SLC4A3: variants seen among roughly 807,000 people sequenced by gnomAD.
SLC4A3 encodes anion exchange protein 3.
Under a neutral mutation model 114.2 loss-of-function variants are expected in SLC4A3, and 47 were observed. The observed-to-expected ratio is 0.41, with a 90% CI of 0.33 to 0.52. SLC4A3 has a LOEUF of 0.52. Among genes scored for constraint, SLC4A3 ranks in the 20% least tolerant of loss-of-function variants. The probability of loss-of-function intolerance (pLI) is 0.21; values close to 1 mark genes in which losing one functional copy is unlikely to be tolerated. For synonymous variants in SLC4A3, 693 were observed against 710.3 expected (o/e 0.98, Z 0.39); for missense variants, 1,312 against 1,668.3 (o/e 0.79, Z 3.72).
Position 219,631,188 on chromosome 2 carries a change from A to G in SLC4A3, c.812-780A>G. ...CGTCCAGGCTCCCACCTTGTAGGAG[A>G]GCCGAGGGGTCTGGTAGGGAGCGGA... On this transcript the variant is annotated intron_variant, in intron 6 of 22. Coordinates refer to ENST00000358055, the MANE Select transcript of SLC4A3 (RefSeq NM_005070.4). This position sits in a 1 kb window ranked among gnomAD's most constrained non-coding sequence, Gnocchi z 6.3. 8.4e-7 allele frequency: 1 copy of G among 1,195,494 alleles called. No individual in the cohort carries two copies. Among genetic ancestry groups the G allele is most frequent in the Non-Finnish European group, 1.1e-6 (1 of 935,134 alleles). 74.1% of individuals were successfully genotyped at this position (1,195,494 alleles called of 1,614,324 possible).
Position 219,635,427 on chromosome 2 carries a change from A to C in SLC4A3, c.1903A>C (p.Lys635Gln), listed in dbSNP as rs1156605094. The C allele has an allele frequency of 6.2e-7, 1 of 1,614,100 alleles. No individual in the cohort carries two copies. ...VAAFQRELLR[K>Q]RREREQTKVE... The stretch of plus-strand genomic sequence containing the variant: ...TGCTTTCCAGCGAGAGCTGCTTAGG[A>C]AGCGGCGAGAGCGTGAACAGACCAA... Residue 635 changes from lysine (K) to glutamine (Q), a missense_variant, in exon 13 of 23, where the codon AAG becomes CAG. Lys to Gln is a moderately conservative substitution (Grantham distance 53, BLOSUM62 1). Transcript: ENST00000358055.
chr2:219,634,704 G>C, intron 12 of SLC4A3, 100 bp downstream of exon 12: 2 of 1,306,464 alleles, frequency 1.5e-6, no homozygotes, highest in Non-Finnish European at 2.1e-6. Context: ...GGGTGCTAGA[G>C]GCCCCTGGGT....
In SLC4A3 at chr2:219,628,107, G is replaced by C; in HGVS notation, c.51+64G>C. The C allele has an allele frequency of 2.3e-6, 3 of 1,319,990 alleles. No homozygotes were observed. The highest frequency in any genetic ancestry group is 3.1e-6 in the Non-Finnish European group (3 of 982,220). 81.8% of individuals were successfully genotyped at this position (1,319,990 alleles called of 1,614,324 possible). On this transcript the variant is annotated intron_variant, in intron 2 of 22. Coordinates refer to ENST00000358055, the MANE Select transcript of SLC4A3 (RefSeq NM_005070.4). This position sits in a 1 kb window ranked among gnomAD's most constrained non-coding sequence, Gnocchi z 4.8. The stretch of plus-strand genomic sequence containing the variant: ...GGAGAGGGGAGGGACCTTAGGGTGG[G>C]CAGAGGAGTCCTCTGGCCGACCCCG...
Position 219,641,523 on chromosome 2 carries a change from A to G in SLC4A3, c.3622-128A>G. ...AAGGGCAGTGCTGCCACCCAGGGTC[A>G]TGGTACTTGCAGAGAGGCCCAGGAA... On this transcript the variant is annotated intron_variant, in intron 22 of 22. Transcript: ENST00000358055. This position sits in a 1 kb window ranked among gnomAD's most constrained non-coding sequence, Gnocchi z 4.0. The G allele has an allele frequency of 1.4e-6, 1 of 731,706 alleles. No individual in the cohort carries two copies. 45.3% of individuals were successfully genotyped at this position (731,706 alleles called of 1,614,324 possible). A position where few individuals can be genotyped will look rare whatever the true frequency, so the allele number is the denominator to read the frequency against.
chr2:219,628,256 C>T lies in SLC4A3; in HGVS notation c.52-149C>T, dbSNP rs1434208399. Reference sequence around the variant, plus strand: ...TCTGGGAGCCCAGAGAGGGTGGTTTCTGGGATGCTGACACAGGCCTGGGAG... The same window carrying T: ...TCTGGGAGCCCAGAGAGGGTGGTTTTTGGGATGCTGACACAGGCCTGGGAG... On this transcript the variant is annotated intron_variant, in intron 2 of 22. Transcript: ENST00000358055. This position sits in a 1 kb window ranked among gnomAD's most constrained non-coding sequence, Gnocchi z 4.8. 5 of 924,408 alleles carry T rather than the reference C, an allele frequency of 5.4e-6. No homozygotes were observed. Among genetic ancestry groups the T allele is most frequent in the African/African-American group, 1.7e-5 (1 of 59,670 alleles). 57.3% of individuals were successfully genotyped at this position (924,408 alleles called of 1,614,324 possible). A position where few individuals can be genotyped will look rare whatever the true frequency, so the allele number is the denominator to read the frequency against.
At position 219,638,825 on chromosome 2, in the gene SLC4A3, C is replaced by T; in HGVS notation, c.2979C>T (p.Ala993=). ...TGATGGTGGCAGCCGCTGTTCCCGCCCTCCTCGTCCTCATCCTGATCTTCA... is the reference window on the plus strand; with the variant it reads ...TGATGGTGGCAGCCGCTGTTCCCGCTCTCCTCGTCCTCATCCTGATCTTCA... ...PWMMVAAAVP[A]LLVLILIFME... Residue 993 remains alanine (A), a synonymous_variant, in exon 19 of 23, where the codon GCC becomes GCT. Transcript: ENST00000358055. This position sits in a 1 kb window ranked among gnomAD's most constrained non-coding sequence, Gnocchi z 7.5. 2 of 1,614,142 alleles carry T rather than the reference C, an allele frequency of 1.2e-6. No individual in the cohort carries two copies. The highest frequency in any genetic ancestry group is 1.7e-6 in the Non-Finnish European group (2 of 1,180,032).
rs1699152748 is a variant in SLC4A3 at position 219,637,271 on chromosome 2, GTGTGTGTGCC to G, written c.2536-300_2536-291del. Among the ~76,000 whole-genome samples the G allele has an allele frequency of 1.3e-5, 2 of 150,660 alleles. No individual in the cohort carries two copies. The highest frequency in any genetic ancestry group is 3.0e-5 in the Non-Finnish European group (2 of 67,710). The stretch of plus-strand genomic sequence containing the variant: ...TGATGTATGTGTTGTGTGTGTGTGC[GTGTGTGTGCC>G]TGTGTGTGCATGTTGTGTGTGTTGT... On this transcript the variant is annotated intron_variant, in intron 16 of 22. Transcript: ENST00000358055. This position sits in a 1 kb window ranked among gnomAD's most constrained non-coding sequence, Gnocchi z 4.6.
rs371602156 is a variant in SLC4A3 at position 219,639,566 on chromosome 2, G to C, written c.3108G>C (p.Gly1036=). 2 of 1,613,952 alleles carry C rather than the reference G, an allele frequency of 1.2e-6. No homozygotes were observed. The highest frequency in any genetic ancestry group is 2.7e-5 in the African/African-American group (2 of 74,926). ...TGCTCCTCATTGGCTCCCTGGGGGG[G>C]CTCTGTGGGCTGTTTGGGTTGCCCT... ...LDLLLIGSLG[G]LCGLFGLPWL... is the part of the protein sequence containing the mutation. The change falls in exon 20 of 23, where the codon GGG becomes GGC. Residue 1036 remains glycine, a synonymous_variant. Coordinates refer to ENST00000358055, the MANE Select transcript of SLC4A3 (RefSeq NM_005070.4). The surrounding 1 kb of genome is among the most constrained non-coding windows in gnomAD (Gnocchi z 5.9).
rs1197753026 is a variant in SLC4A3, at chr2:219,639,833, G to A, written c.3277+98G>A. The A allele has an allele frequency of 6.8e-7, 1 of 1,480,148 alleles. No homozygotes were observed. Among genetic ancestry groups the A allele is most frequent in the Non-Finnish European group, 9.1e-7 (1 of 1,098,478 alleles). 91.7% of individuals were successfully genotyped at this position (1,480,148 alleles called of 1,614,324 possible). A position where few individuals can be genotyped will look rare whatever the true frequency, so the allele number is the denominator to read the frequency against. ...TTGACCCTGAATCTCCCAATGTGCT[G>A]TGTGTTGCCCTCAATCTGACCCCCA... On this transcript the variant is annotated intron_variant, in intron 20 of 22. Coordinates refer to ENST00000358055, the MANE Select transcript of SLC4A3 (RefSeq NM_005070.4). The surrounding 1 kb of genome is among the most constrained non-coding windows in gnomAD (Gnocchi z 5.9).
At position 219,641,572 on chromosome 2, in the gene SLC4A3, C is replaced by G. The variant is rs1699326905; in HGVS notation, c.3622-79C>G. On this transcript the variant is annotated intron_variant, in intron 22 of 22. Coordinates refer to ENST00000358055, the MANE Select transcript of SLC4A3 (RefSeq NM_005070.4). This position sits in a 1 kb window ranked among gnomAD's most constrained non-coding sequence, Gnocchi z 4.0. Reference sequence around the variant, plus strand: ...AAAGGTCAGGGAGCAGGGAGGGCTGCAGGTTGGAGGAGGAGCTGGAGAATG... The same window carrying G: ...AAAGGTCAGGGAGCAGGGAGGGCTGGAGGTTGGAGGAGGAGCTGGAGAATG... 1 of 1,135,736 alleles carries G rather than the reference C, an allele frequency of 8.8e-7. No individual in the cohort carries two copies. Among genetic ancestry groups the G allele is most frequent in the Non-Finnish European group, 1.3e-6 (1 of 751,598 alleles). The allele number at this position is 1,135,736 out of a possible 1,614,324, so 70.4% of individuals were successfully genotyped here.
Position 219,631,936 on chromosome 2 carries a change from C to G in SLC4A3, c.812-32C>G, listed in dbSNP as rs753820889. On this transcript the variant is annotated intron_variant, in intron 6 of 22. Coordinates refer to ENST00000358055, the MANE Select transcript of SLC4A3 (RefSeq NM_005070.4). The surrounding 1 kb of genome is among the most constrained non-coding windows in gnomAD (Gnocchi z 6.3). ...GTGACCCCGAGGGCCCCAGCTGGAC[C>G]TGTGGGACCCCCAAGCCCATCTTCT... 1 of 1,557,190 alleles carries G rather than the reference C, an allele frequency of 6.4e-7. No homozygotes were observed. The highest frequency in any genetic ancestry group is 2.0e-5 in the Admixed American group (1 of 50,796).
In SLC4A3 at chr2:219,628,096, C is replaced by A. The variant is rs902285802; in HGVS notation, c.51+53C>A. The A allele has an allele frequency of 5.7e-5, 81 of 1,415,760 alleles. No homozygotes were observed. The African/African-American group carries it at 9.4e-4, about 16-fold the overall frequency. 87.7% of individuals were successfully genotyped at this position (1,415,760 alleles called of 1,614,324 possible). A position where few individuals can be genotyped will look rare whatever the true frequency, so the allele number is the denominator to read the frequency against. ...GAGATGGGGGAGGAGAGGGGAGGGA[C>A]CTTAGGGTGGGCAGAGGAGTCCTCT... On this transcript the variant is annotated intron_variant, in intron 2 of 22. Coordinates refer to ENST00000358055, the MANE Select transcript of SLC4A3 (RefSeq NM_005070.4). The surrounding 1 kb of genome is among the most constrained non-coding windows in gnomAD (Gnocchi z 4.8).
Position 219,637,542 on chromosome 2 carries a change from C to A in SLC4A3, c.2536-39C>A. ...GATGACGATGAAGTCAGGTCACCTGCCAGGTGAGTGACAAGGCATCCTTGT... is the reference window on the plus strand; with the variant it reads ...GATGACGATGAAGTCAGGTCACCTGACAGGTGAGTGACAAGGCATCCTTGT... On this transcript the variant is annotated intron_variant, in intron 16 of 22. Coordinates refer to ENST00000358055, the MANE Select transcript of SLC4A3 (RefSeq NM_005070.4). This position sits in a 1 kb window ranked among gnomAD's most constrained non-coding sequence, Gnocchi z 4.6. 1.7e-6 allele frequency: 2 copies of A among 1,160,818 alleles called. No homozygotes were observed. The highest frequency in any genetic ancestry group is 2.5e-6 in the Non-Finnish European group (2 of 799,842). The allele number at this position is 1,160,818 out of a possible 1,614,324, so 71.9% of individuals were successfully genotyped here. A position where few individuals can be genotyped will look rare whatever the true frequency, so the allele number is the denominator to read the frequency against.
chr2:219,635,344 G>A lies in SLC4A3; in HGVS notation c.1820G>A (p.Gly607Asp). 1.2e-6 allele frequency: 2 copies of A among 1,614,176 alleles called. No homozygotes were observed. The highest frequency in any genetic ancestry group is 3.3e-5 in the Admixed American group (2 of 60,026). The part of the protein sequence containing the change: ...LLSAISEFLD[G>D]SIVIPPSEVE... ...AGTGCCATCAGCGAGTTCCTGGATGGCAGCATTGTGATCCCCCCGTCCGAG... is the reference window on the plus strand; with the variant it reads ...AGTGCCATCAGCGAGTTCCTGGATGACAGCATTGTGATCCCCCCGTCCGAG... Residue 607 changes from glycine (G) to aspartate (D), a missense_variant, in exon 13 of 23, where the codon GGC (glycine) becomes GAC (aspartate). Gly to Asp is a moderately conservative substitution (Grantham distance 94). Around this residue, in one of 4 missense-constraint regions of SLC4A3, gnomAD observed 771 missense variants for 977.7 expected, o/e 0.79. Transcript: ENST00000358055.
Position 219,628,603 on chromosome 2 carries a change from C to T in SLC4A3, c.217+33C>T, listed in dbSNP as rs773401395. ...GCCTGGGGACCCCTAGTGCGGCCGC[C>T]CTCGCCACCATCACCTTCATCGCCA... is the stretch of plus-strand genomic sequence containing the variant. On this transcript the variant is annotated intron_variant, in intron 3 of 22. Transcript: ENST00000358055. This position sits in a 1 kb window ranked among gnomAD's most constrained non-coding sequence, Gnocchi z 4.8. 1 of 1,605,032 alleles carries T rather than the reference C, an allele frequency of 6.2e-7. No homozygotes were observed. The highest frequency in any genetic ancestry group is 1.7e-5 in the Admixed American group (1 of 57,962).
intron 12 of SLC4A3, 103 bp downstream of exon 12, chr2:219,634,707 C>T: frequency 7.9e-7 from 1 of 1,265,174 alleles, no homozygotes; most frequent in East Asian, 2.5e-5. Context: ...TGCTAGAGGC[C>T]CCTGGGTGGA....
chr2:219,637,455 T>A lies in SLC4A3; in HGVS notation c.2536-126T>A. On this transcript the variant is annotated intron_variant, in intron 16 of 22. Transcript: ENST00000358055. This position sits in a 1 kb window ranked among gnomAD's most constrained non-coding sequence, Gnocchi z 4.6. ...GTTGTGTGTGTGGTGCAGCTGGATGTCCGTGCATTACTGTTGTCTGACCAG... is the reference window on the plus strand; with the variant it reads ...GTTGTGTGTGTGGTGCAGCTGGATGACCGTGCATTACTGTTGTCTGACCAG... 1 of 608,756 alleles carries A rather than the reference T, an allele frequency of 1.6e-6. No homozygotes were observed. Among genetic ancestry groups the A allele is most frequent in the South Asian group, 2.0e-5 (1 of 49,382 alleles). 37.7% of individuals were successfully genotyped at this position (608,756 alleles called of 1,614,324 possible). A position where few individuals can be genotyped will look rare whatever the true frequency, so the allele number is the denominator to read the frequency against.
chr2:219,628,713 C>G lies in SLC4A3; in HGVS notation c.217+143C>G. 2.3e-6 allele frequency: 2 copies of G among 870,272 alleles called. No homozygotes were observed. The allele number at this position is 870,272 out of a possible 1,614,324, so 53.9% of individuals were successfully genotyped here. ...CTGGACTCTGTGCTGGGCCACATGC[C>G]GTGTTCAGTCATCCTGCCTCCCCCA... is the stretch of plus-strand genomic sequence containing the variant. On this transcript the variant is annotated intron_variant, in intron 3 of 22. Coordinates refer to ENST00000358055, the MANE Select transcript of SLC4A3 (RefSeq NM_005070.4). This position sits in a 1 kb window ranked among gnomAD's most constrained non-coding sequence, Gnocchi z 4.8.
chr2:219,632,048 C>T lies in SLC4A3; in HGVS notation c.892C>T (p.Pro298Ser), dbSNP rs1698941663. The T allele has an allele frequency of 3.7e-6, 6 of 1,613,782 alleles. No homozygotes were observed. The highest frequency in any genetic ancestry group is 1.7e-5 in the Admixed American group (1 of 59,990). The change falls in exon 7 of 23, where the codon CCC (proline) becomes TCC (serine). Residue 298 changes from proline to serine, a missense_variant. Pro to Ser is a moderately conservative substitution (Grantham distance 74). Transcript: ENST00000358055. The stretch of plus-strand genomic sequence containing the variant: ...CCGGACGCAGGGCGGGAGGGGCAGT[C>T]CCAGCGGCCTGGCCCCCATCCTTCG... Reference protein sequence around the residue: ...PSRTQGGRGSPSGLAPILRRK... With the variant: ...PSRTQGGRGSSSGLAPILRRK...
Sources: allele counts gnomAD v4.1 joint callset (sites outside exome capture counted in the v4.1 genomes callset), GRCh38; gene constraint gnomAD v4.1.1; regional missense constraint gnomAD v4.1.1; non-coding constraint Gnocchi (gnomAD v3.1); transcripts MANE v1.5; gene names NCBI Gene and HGNC (gene_info 2026-07-23, HGNC 2026-07-21).